The following CACNB2 variants were observed in gnomAD, a reference collection of about 807,000 sequenced individuals.
The protein encoded by CACNB2 is calcium voltage-gated channel auxiliary subunit beta 2.
CACNB2 carries 42 observed loss-of-function variants against 73.3 expected under a neutral mutation model. The observed-to-expected ratio is 0.57, with a 90% CI of 0.45 to 0.74. The LOEUF (loss-of-function observed/expected upper bound fraction) is 0.74, where lower values mean the gene tolerates loss of function less well. Ranked by LOEUF, CACNB2 falls within the 30% of genes least tolerant of loss-of-function variation. The probability of loss-of-function intolerance (pLI) is 0.00; values close to 1 mark genes in which losing one functional copy is unlikely to be tolerated. For missense variants in CACNB2, 940 were observed against 853.0 expected, an observed-to-expected ratio of 1.10 and a Z score of -1.27; for synonymous variants, 348 against 310.3, an observed-to-expected ratio of 1.12 and a Z score of -1.28.
chr10:18,526,749 T>C (rs2052506459), intron 9 of CACNB2, among the ~76,000 whole-genome samples: 2 of 152,222 alleles, frequency 1.3e-5, no homozygotes. Flanking sequence ...TCATCATCTT[T>C]AATTATTTTC....
At chr10:18,349,938 T>C (rs1390688862) in intron 2 of CACNB2, among the ~76,000 whole-genome samples, 2 of 152,160 alleles carry the variant, frequency 1.3e-5, no homozygotes. Flanking sequence ...TTATATCTAT[T>C]ATTATTATTT....
At chr10:18,286,696 G>A (rs1213002455) in intron 2 of CACNB2, among the ~76,000 whole-genome samples, 1 of 152,126 alleles carries the variant, frequency 6.6e-6, no homozygotes, top group Non-Finnish European at 1.5e-5. Context: ...TTAGCTGGAA[G>A]ATGGACTTAA....
chr10:18,414,204 G>A (rs1441638147), intron 3 of CACNB2, among the ~76,000 whole-genome samples: 1 of 152,240 alleles, frequency 6.6e-6, no homozygotes, highest in Non-Finnish European at 1.5e-5. Flanking sequence ...CTTGTCTCCT[G>A]TACTCTAACT....
In CACNB2 at chr10:18,539,488, G is replaced by C. The variant is rs373826838; in HGVS notation, c.1747G>C (p.Ala583Pro). The C allele has an allele frequency of 6.2e-6, 10 of 1,613,828 alleles. No individual in the cohort carries two copies. Among genetic ancestry groups the C allele is most frequent in the African/African-American group, 1.3e-5 (1 of 74,876 alleles). The change falls in exon 14 of 14, where the codon GCC (alanine) becomes CCC (proline). Residue 583 changes from alanine (A) to proline (P), a missense_variant. Physicochemically the swap from Ala to Pro is conservative, Grantham distance 27. Transcript: ENST00000324631. ...DYSHDHVDHY[A>P]SHRDHNHRDE... ...TTCCCATGACCACGTGGACCACTAT[G>C]CCTCACACCGTGACCACAACCACAG...
intron 2 of CACNB2, among the ~76,000 whole-genome samples, chr10:18,211,810 C>T (rs1327391797): frequency 1.3e-5 from 2 of 151,930 alleles, no homozygotes; most frequent in South Asian, 2.1e-4. Context: ...GGCGTGAATG[C>T]GACACAATTC....
At chr10:18,323,885 A>G (rs2131970943) in intron 2 of CACNB2, among the ~76,000 whole-genome samples, 1 of 152,346 alleles carries the variant, frequency 6.6e-6, no homozygotes, top group South Asian at 2.1e-4. Flanking sequence ...ACTTCTTTGA[A>G]CACATTGAAA....
intron 3 of CACNB2, among the ~76,000 whole-genome samples, chr10:18,478,713 G>A (rs2048566468): frequency 6.6e-6 from 1 of 152,210 alleles, no homozygotes; most frequent in African/African-American, 2.4e-5. Context: ...GTAGGGAGAA[G>A]AGGAATTCCA....
chr10:18,482,598 C>T (rs890649112), intron 3 of CACNB2, among the ~76,000 whole-genome samples: 10 of 152,156 alleles, frequency 6.6e-5, no homozygotes, highest in African/African-American at 2.4e-4. Flanking sequence ...GCAACCTCCA[C>T]CTCCCGGGTT....
At chr10:18,227,179 C>G (rs2036025632) in intron 2 of CACNB2, among the ~76,000 whole-genome samples, 1 of 152,036 alleles carries the variant, frequency 6.6e-6, no homozygotes, top group Non-Finnish European at 1.5e-5. Flanking sequence ...GGGAGGTCAG[C>G]AAACTGGGTC....
chr10:18,448,250 A>G (rs1348507485), intron 3 of CACNB2, among the ~76,000 whole-genome samples: 2 of 152,054 alleles, frequency 1.3e-5, no homozygotes, highest in Non-Finnish European at 2.9e-5. Context: ...TTGGGAGGCC[A>G]AGGTGGGCAG....
chr10:18,179,884 G>T (rs1362248081), intron 2 of CACNB2, among the ~76,000 whole-genome samples: 1 of 152,142 alleles, frequency 6.6e-6, no homozygotes, highest in Non-Finnish European at 1.5e-5. Context: ...TCCACTTGTA[G>T]CTCACTGGTG....
chr10:18,297,806 A>G (rs11013415), intron 2 of CACNB2, among the ~76,000 whole-genome samples: 30,839 of 151,974 alleles, frequency 0.2, 3,129 homozygotes, highest in Middle Eastern at 0.27. Flanking sequence ...GGAGGGAGGG[A>G]TTAAAGTGCA....
intron 2 of CACNB2, among the ~76,000 whole-genome samples, chr10:18,166,608 G>A (rs2032868642): frequency 6.6e-6 from 1 of 152,202 alleles, no homozygotes; most frequent in Admixed American, 6.5e-5. Context: ...TTTGTGGATA[G>A]TTACTTGACC....
intron 2 of CACNB2, among the ~76,000 whole-genome samples, chr10:18,343,660 T>C (rs891457229): frequency 3.3e-5 from 5 of 152,158 alleles, no homozygotes; most frequent in Admixed American, 3.3e-4. Context: ...AGCTCTGAAA[T>C]CCCAAACTGT....
At chr10:18,492,886 A>C (rs1334084811) in intron 3 of CACNB2, among the ~76,000 whole-genome samples, 3 of 152,092 alleles carry the variant, frequency 2.0e-5, no homozygotes, top group Non-Finnish European at 2.9e-5. Context: ...ATACAGAGAA[A>C]TATTTACTTA....
chr10:18,175,555 G>A (rs1357419864), intron 2 of CACNB2, among the ~76,000 whole-genome samples: 4 of 151,990 alleles, frequency 2.6e-5, no homozygotes, highest in African/African-American at 9.7e-5. Flanking sequence ...CACACCCACT[G>A]CCAGGGATAC....
chr10:18,385,823 A>C (rs984746504), intron 2 of CACNB2, among the ~76,000 whole-genome samples: 1 of 151,994 alleles, frequency 6.6e-6, no homozygotes. Flanking sequence ...TTATTTTTTT[A>C]TATGTCCAAA....
intron 2 of CACNB2, among the ~76,000 whole-genome samples, chr10:18,272,538 A>C (rs772679373): frequency 6.6e-6 from 1 of 152,184 alleles, no homozygotes; most frequent in Non-Finnish European, 1.5e-5. Flanking sequence ...TTCCCACCCA[A>C]ATCTCACCTT....
intron 3 of CACNB2, among the ~76,000 whole-genome samples, chr10:18,427,745 T>G (rs2045678686): frequency 6.6e-6 from 1 of 152,154 alleles, no homozygotes; most frequent in African/African-American, 2.4e-5. Context: ...ATCTAGATTT[T>G]CAGAATTTTA....
Sources: gnomAD v4.1 joint callset for allele counts (sites outside exome capture counted in the v4.1 genomes callset) on GRCh38, gnomAD v4.1.1 for gene constraint, MANE v1.5 for transcripts, NCBI Gene and HGNC (gene_info 2026-07-23, HGNC 2026-07-21) for gene names.